TMEM135: variants seen among roughly 807,000 people sequenced by gnomAD.
The protein encoded by TMEM135 is peroxisomal membrane protein 52.
A neutral mutation model predicts 60.3 loss-of-function variants in TMEM135; 30 were observed. That is an observed-to-expected ratio of 0.50 (90% confidence interval 0.37 to 0.68). The LOEUF is 0.68. Among genes scored for constraint, TMEM135 ranks in the 30% least tolerant of loss-of-function variants. TMEM135 has a pLI of 0.00. For synonymous variants in TMEM135, 190 were observed against 186.7 expected (o/e 1.02, Z -0.14); for missense variants, 468 against 548.8 (o/e 0.85, Z 1.47).
rs1036510736 is a variant in TMEM135, at chr11:87,322,594, T to C, written c.*1261T>C. On this transcript the variant is annotated 3_prime_UTR_variant, in exon 15 of 15. Transcript: ENST00000305494. ...AATGTGACATGTAGGGATGATGATA[T>C]TTTTAAAATACATTTTGTTGCTAAA... is the stretch of plus-strand genomic sequence containing the variant. The C allele has an allele frequency of 2.2e-6, 1 of 453,790 alleles. No individual in the cohort carries two copies. The highest frequency in any genetic ancestry group is 2.0e-5 in the African/African-American group (1 of 50,002). The allele number at this position is 453,790 out of a possible 1,614,324, so 28.1% of individuals were successfully genotyped here.
rs1420763685 is a variant in TMEM135, at chr11:87,322,305, G to A, written c.*972G>A. 2.2e-6 allele frequency: 1 copy of A among 453,936 alleles called. No homozygotes were observed. The highest frequency in any genetic ancestry group is 4.4e-6 in the Non-Finnish European group (1 of 226,740). The allele number at this position is 453,936 out of a possible 1,614,324, so 28.1% of individuals were successfully genotyped here. A position where few individuals can be genotyped will look rare whatever the true frequency, so the allele number is the denominator to read the frequency against. ...CAGCTGTTTAACTTATGTAATGGAT[G>A]TTTTGCACCTGAAAACACTATAAAA... On this transcript the variant is annotated 3_prime_UTR_variant, in exon 15 of 15. Coordinates refer to ENST00000305494, the MANE Select transcript of TMEM135 (RefSeq NM_022918.4).
At chr11:87,263,678 T>C (rs985443135) in intron 6 of TMEM135, among the ~76,000 whole-genome samples, 2 of 152,104 alleles carry the variant, frequency 1.3e-5, no homozygotes, top group Non-Finnish European at 2.9e-5. Context: ...CACAGAATCA[T>C]AGGGTTTTAG....
intron 5 of TMEM135, among the ~76,000 whole-genome samples, chr11:87,178,068 T>C (rs561607803): frequency 1.2e-4 from 18 of 152,282 alleles, no homozygotes; most frequent in Non-Finnish European, 2.5e-4. Flanking sequence ...AGAGCTTTTA[T>C]TGGGGTTTCA....
At chr11:87,113,161 A>G (rs1231980429) in intron 4 of TMEM135, among the ~76,000 whole-genome samples, 1 of 152,118 alleles carries the variant, frequency 6.6e-6, no homozygotes, top group Non-Finnish European at 1.5e-5. Flanking sequence ...GTCATGGCCC[A>G]ACTTATAAAT....
chr11:87,201,363 G>A (rs1460715273), intron 5 of TMEM135, among the ~76,000 whole-genome samples: 1 of 152,090 alleles, frequency 6.6e-6, no homozygotes, highest in Non-Finnish European at 1.5e-5. Flanking sequence ...ATAAATAAGT[G>A]GGTTTTGGAA....
At chr11:87,124,352 C>A (rs1388119795) in intron 4 of TMEM135, among the ~76,000 whole-genome samples, 2 of 152,134 alleles carry the variant, frequency 1.3e-5, no homozygotes, top group Non-Finnish European at 2.9e-5. Flanking sequence ...CTCTAACATT[C>A]CCCTCCTTCC....
chr11:87,159,617 A>ACACACACACACACACCCCCCC (rs140303858), intron 5 of TMEM135, among the ~76,000 whole-genome samples: 52 of 149,452 alleles, frequency 3.5e-4, no homozygotes, highest in Admixed American at 1.7e-3. Context: ...ACACACACAC[A>ACACACACACACACACCCCCCC]CCATAGATTT....
At chr11:87,304,006 G>A (rs1212990830) in intron 8 of TMEM135, among the ~76,000 whole-genome samples, 1 of 152,162 alleles carries the variant, frequency 6.6e-6, no homozygotes, top group Non-Finnish European at 1.5e-5. Context: ...CAGGTGCTGG[G>A]AAGCCATTTA....
At chr11:87,158,210 G>A (rs1346367338) in intron 5 of TMEM135, among the ~76,000 whole-genome samples, 5 of 152,092 alleles carry the variant, frequency 3.3e-5, no homozygotes, top group African/African-American at 4.8e-5. Flanking sequence ...ACAGGCATGA[G>A]CCACCATGCC....
intron 6 of TMEM135, among the ~76,000 whole-genome samples, chr11:87,268,225 C>T (rs1238041267): frequency 9.1e-6 from 1 of 110,162 alleles, no homozygotes; most frequent in Admixed American, 9.6e-5. Flanking sequence ...CTTACTCTGT[C>T]TCTCAGGCAG....
At chr11:87,188,669 A>T (rs1591088545) in intron 5 of TMEM135, among the ~76,000 whole-genome samples, 1 of 150,162 alleles carries the variant, frequency 6.7e-6, no homozygotes. Flanking sequence ...GCGCCATTGC[A>T]CTCCAGCCTG....
At chr11:87,303,446 TTTAATA>T (rs1465468136) in intron 8 of TMEM135, among the ~76,000 whole-genome samples, 2 of 152,240 alleles carry the variant, frequency 1.3e-5, no homozygotes, top group Non-Finnish European at 2.9e-5. Context: ...GCTGAGGTCC[TTTAATA>T]AATTAGAAAA....
chr11:87,081,716 T>C (rs1203794548), intron 3 of TMEM135, among the ~76,000 whole-genome samples: 1 of 151,932 alleles, frequency 6.6e-6, no homozygotes, highest in Non-Finnish European at 1.5e-5. Flanking sequence ...CTGTTTTTCT[T>C]TTCCTGTAGA....
In TMEM135 at chr11:87,079,651, G is replaced by C. The variant is rs75985591; in HGVS notation, c.362+8036G>C. Among the ~76,000 whole-genome samples the C allele has an allele frequency of 8.3e-3, 1,257 of 151,186 alleles. 24 individuals are homozygous for C. The highest frequency in any genetic ancestry group is 0.029 in the African/African-American group (1,205 of 41,180). ...ATCTGCTCTTAGCGGGAGGCATTCAGTTTTTCATCATTAAGTGTATTGTTA... is the reference window on the plus strand; with the variant it reads ...ATCTGCTCTTAGCGGGAGGCATTCACTTTTTCATCATTAAGTGTATTGTTA... On this transcript the variant is annotated intron_variant, in intron 3 of 14. Transcript: ENST00000305494.
chr11:87,251,203 T>TA (rs11427194), intron 6 of TMEM135, among the ~76,000 whole-genome samples: 100,014 of 151,790 alleles, frequency 0.66, 33,524 homozygotes, highest in Non-Finnish European at 0.71. Context: ...ATTTAGGAGT[T>TA]ATCAGCATGT....
intron 5 of TMEM135, among the ~76,000 whole-genome samples, chr11:87,231,194 G>A (rs1451856860): frequency 3.3e-5 from 5 of 152,042 alleles, no homozygotes; most frequent in Non-Finnish European, 7.4e-5. Flanking sequence ...GGACCATGCT[G>A]GATAGAGTTC....
rs1335446409 is a variant in TMEM135 at position 87,314,483 on chromosome 11, G to A, written c.1013G>A (p.Gly338Asp). 1 of 1,609,978 alleles carries A rather than the reference G, an allele frequency of 6.2e-7. No individual in the cohort carries two copies. The highest frequency in any genetic ancestry group is 1.7e-5 in the Admixed American group (1 of 59,752). Residue 338 changes from glycine to aspartate, a missense_variant, in exon 12 of 15, where the codon GGT becomes GAT. Gly to Asp is a moderately conservative substitution (Grantham distance 94). Transcript: ENST00000305494. ...TTTCTTGTTTCAGGATTTTTGGCAG[G>A]TATATCAATGATGTTTTATAAAAGC... is the stretch of plus-strand genomic sequence containing the variant. ...LHAIIAGFLA[G>D]ISMMFYKSTT...
intron 5 of TMEM135, among the ~76,000 whole-genome samples, chr11:87,169,813 T>C (rs559530994): frequency 6.6e-6 from 1 of 152,184 alleles, no homozygotes; most frequent in East Asian, 1.9e-4. Flanking sequence ...ATCTTTGTGG[T>C]GTTCTCTGTA....
At chr11:87,205,901 T>C (rs1463902478) in intron 5 of TMEM135, among the ~76,000 whole-genome samples, 1 of 152,100 alleles carries the variant, frequency 6.6e-6, no homozygotes, top group Non-Finnish European at 1.5e-5. Context: ...AGTACCTGAG[T>C]GTCTGTTAGT....
Sources: allele counts gnomAD v4.1 joint callset (sites outside exome capture counted in the v4.1 genomes callset), GRCh38; gene constraint gnomAD v4.1.1; transcripts MANE v1.5; gene names NCBI Gene and HGNC (gene_info 2026-07-23, HGNC 2026-07-21).